Variants in DOCK3 observed in about 807,000 individuals in gnomAD.
The protein encoded by DOCK3 is dedicator of cytokinesis 3, also known as dedicator of cytokinesis protein 3.
DOCK3 carries 60 observed loss-of-function variants against 265.6 expected under a neutral mutation model. The observed-to-expected ratio is 0.23, with a 90% CI of 0.18 to 0.28. DOCK3 has a LOEUF of 0.28. Ranked by LOEUF, DOCK3 falls within the 10% of genes least tolerant of loss-of-function variation. DOCK3 has a pLI of 1.00. For synonymous variants in DOCK3, 881 were observed against 938.0 expected (o/e 0.94, Z 1.11); for missense variants, 1,981 against 2,594.3 (o/e 0.76, Z 5.14).
At chr3:51,037,835 G>A (rs182683802) in intron 5 of DOCK3, among the ~76,000 whole-genome samples, 67 of 152,184 alleles carry the variant, frequency 4.4e-4, no homozygotes, top group African/African-American at 1.4e-3. Flanking sequence ...TACAGTAAAC[G>A]CAGCTGACTA....
intron 31 of DOCK3, among the ~76,000 whole-genome samples, chr3:51,313,194 A>G (rs533434201): frequency 6.6e-6 from 1 of 152,282 alleles, no homozygotes; most frequent in East Asian, 1.9e-4. Context: ...GTTTTTTCCA[A>G]TTTGAGAACC....
chr3:51,031,996 G>A (rs1464103410), intron 5 of DOCK3, among the ~76,000 whole-genome samples: 2 of 152,146 alleles, frequency 1.3e-5, no homozygotes, highest in Non-Finnish European at 2.9e-5. Context: ...TTTTAATTGT[G>A]TATAAAGTAC....
At chr3:51,099,495 CTAAAAATACG>C (rs2082996158) in intron 9 of DOCK3, among the ~76,000 whole-genome samples, 1 of 152,168 alleles carries the variant, frequency 6.6e-6, no homozygotes, top group Admixed American at 6.5e-5. Context: ...TCTTCTCTGC[CTAAAAATACG>C]TAGGACAAAG....
rs763099939 is a variant in DOCK3, at chr3:51,362,014, G to A, written c.5145+17G>A. 1.3e-5 allele frequency: 21 copies of A among 1,596,094 alleles called. No individual in the cohort carries two copies. Among genetic ancestry groups the A allele is most frequent in the African/African-American group, 4.0e-5 (3 of 74,596 alleles). On this transcript the variant is annotated intron_variant, in intron 48 of 52. Coordinates refer to ENST00000266037, the MANE Select transcript of DOCK3 (RefSeq NM_004947.5). ...CACATGCAGGTACAGAGCTGTCCAC[G>A]GAGAGTGGGCCAGGGCACCATGCCT...
chr3:51,333,779 A>G (rs1320663830), intron 35 of DOCK3, among the ~76,000 whole-genome samples: 2 of 152,108 alleles, frequency 1.3e-5, no homozygotes, highest in African/African-American at 4.8e-5. Flanking sequence ...TGGCCAGAAT[A>G]GATTAGAGGA....
At chr3:51,297,117 CA>C (rs71633066) in intron 27 of DOCK3, among the ~76,000 whole-genome samples, 333 of 65,880 alleles carry the variant, frequency 5.1e-3, no homozygotes, top group South Asian at 0.011. Flanking sequence ...GACTCTGTCT[CA>C]AAAAAAAAAA....
chr3:51,319,112 G>T (rs2083529482), intron 32 of DOCK3, among the ~76,000 whole-genome samples: 1 of 152,070 alleles, frequency 6.6e-6, no homozygotes, highest in Admixed American at 6.6e-5. Context: ...AACTTGCTTT[G>T]TTCTTAGGAG....
At chr3:51,368,262 C>A (rs571141488) in intron 49 of DOCK3, among the ~76,000 whole-genome samples, 1 of 152,206 alleles carries the variant, frequency 6.6e-6, no homozygotes, top group Non-Finnish European at 1.5e-5. Context: ...GGGGCATTGC[C>A]TCACCCAGGA....
chr3:50,902,219 T>G (rs897337835), intron 4 of DOCK3, among the ~76,000 whole-genome samples: 13 of 152,250 alleles, frequency 8.5e-5, no homozygotes, highest in African/African-American at 3.1e-4. Flanking sequence ...TTTGCTTTTG[T>G]CGCAATTGCT....
At chr3:51,254,130 T>C (rs1357987791) in intron 22 of DOCK3, among the ~76,000 whole-genome samples, 1 of 152,222 alleles carries the variant, frequency 6.6e-6, no homozygotes, top group African/African-American at 2.4e-5. Flanking sequence ...ATGTACCCAG[T>C]AGTCATTCAG....
At position 50,934,513 on chromosome 3, in the gene DOCK3, T is replaced by C. The variant is rs890325088; in HGVS notation, c.315+436T>C. Among the ~76,000 whole-genome samples the C allele has an allele frequency of 7.9e-5, 12 of 152,324 alleles. No individual in the cohort carries two copies. In the East Asian group the frequency reaches 2.3e-3, roughly 29 times the overall value. On this transcript the variant is annotated intron_variant, in intron 5 of 52. Transcript: ENST00000266037. ...GGATATGTCATATCTGACACTTTGC[T>C]GGCCCAAAAAATTAATAGAAAATCT... is the stretch of plus-strand genomic sequence containing the variant.
intron 32 of DOCK3, among the ~76,000 whole-genome samples, chr3:51,325,498 G>A (rs2109862155): frequency 6.6e-6 from 1 of 152,342 alleles, no homozygotes; most frequent in South Asian, 2.1e-4. Flanking sequence ...GTGGAAGACA[G>A]TCTGGCAATT....
chr3:51,212,667 G>T (rs943945241), intron 13 of DOCK3, among the ~76,000 whole-genome samples: 2 of 152,110 alleles, frequency 1.3e-5, no homozygotes. Flanking sequence ...TGTGGTTTTG[G>T]TTCTGGCTCC....
chr3:50,891,163 C>T (rs1461705132), intron 4 of DOCK3, among the ~76,000 whole-genome samples: 1 of 152,060 alleles, frequency 6.6e-6, no homozygotes, highest in Non-Finnish European at 1.5e-5. Flanking sequence ...GGAAACACAC[C>T]TCTTCACCTT....
intron 5 of DOCK3, among the ~76,000 whole-genome samples, chr3:50,951,380 C>G (rs112245878): frequency 6.6e-6 from 1 of 152,274 alleles, no homozygotes; most frequent in African/African-American, 2.4e-5. Flanking sequence ...GTTGATTAAT[C>G]CTCATTTCTT....
chr3:51,178,311 C>G (rs1034966147), intron 12 of DOCK3, among the ~76,000 whole-genome samples: 3 of 152,116 alleles, frequency 2.0e-5, no homozygotes, highest in Non-Finnish European at 4.4e-5. Flanking sequence ...GATCTCATGG[C>G]AAGCAAAGTG....
chr3:50,934,700 C>T (rs907287643), intron 5 of DOCK3, among the ~76,000 whole-genome samples: 3 of 151,654 alleles, frequency 2.0e-5, no homozygotes, highest in Non-Finnish European at 2.9e-5. Flanking sequence ...GCCTGTAGTC[C>T]TAGCTACTTG....
intron 7 of DOCK3, among the ~76,000 whole-genome samples, chr3:51,081,895 C>A (rs371417674): frequency 2.2e-3 from 255 of 117,548 alleles, no homozygotes; most frequent in African/African-American, 2.2e-3. Flanking sequence ...GACTCTGTCT[C>A]AAAAAAAAAA....
chr3:50,947,506 G>C (rs1225134614), intron 5 of DOCK3, among the ~76,000 whole-genome samples: 2 of 152,130 alleles, frequency 1.3e-5, no homozygotes, highest in Non-Finnish European at 2.9e-5. Context: ...AATACAATAA[G>C]ATAGCATCAG....
Sources: allele counts gnomAD v4.1 joint callset (sites outside exome capture counted in the v4.1 genomes callset), GRCh38; gene constraint gnomAD v4.1.1; transcripts MANE v1.5; gene names NCBI Gene and HGNC (gene_info 2026-07-23, HGNC 2026-07-21).